NHSL1: variants seen among roughly 807,000 people sequenced by gnomAD.
The protein encoded by NHSL1 is NHS-like protein 1.
A neutral mutation model predicts 95.0 loss-of-function variants in NHSL1; 48 were observed. The observed-to-expected ratio is 0.51, with a 90% CI of 0.40 to 0.64. NHSL1 has a LOEUF of 0.64. NHSL1 is among the 30% of genes least tolerant of loss of function. The pLI is 0.00. For missense variants in NHSL1, 1,971 were observed against 2,077.7 expected, an observed-to-expected ratio of 0.95 and a Z score of 1.00; for synonymous variants, 783 against 833.9, an observed-to-expected ratio of 0.94 and a Z score of 1.05.
chr6:138,432,671 T>C lies in NHSL1; in HGVS notation c.1674A>G (p.Ser558=). Residue 558 remains serine (S), a synonymous_variant, in exon 6 of 8, where the codon TCA becomes TCG. Coordinates refer to ENST00000343505, the MANE Select transcript of NHSL1 (RefSeq NM_001144060.2). The surrounding 1 kb of genome is among the most constrained non-coding windows in gnomAD (Gnocchi z 4.4). ...TCAGGGGGGATGCCCTTCCATTACC[T>C]GAGGATTTGTATTCCCAGGGCTCCG... is the stretch of plus-strand genomic sequence containing the variant. The part of the protein sequence containing the change: ...SSSEPWEYKS[S]GNGRASPLKP... 1.3e-6 allele frequency: 2 copies of C among 1,551,746 alleles called. No homozygotes were observed. The highest frequency in any genetic ancestry group is 2.4e-5 in the South Asian group (2 of 84,058).
At chr6:138,655,069 C>G (rs1785139985) in intron 1 of NHSL1, among the ~76,000 whole-genome samples, 1 of 152,118 alleles carries the variant, frequency 6.6e-6, no homozygotes, top group African/African-American at 2.4e-5. Context: ...CTGAAAGTGG[C>G]TATTTGAAGC....
intron 7 of NHSL1, among the ~76,000 whole-genome samples, chr6:138,428,748 C>T (rs1350326840): frequency 1.3e-5 from 2 of 152,060 alleles, no homozygotes; most frequent in Non-Finnish European, 2.9e-5. Context: ...ATCATTCACA[C>T]ACAGAATCAA....
chr6:138,511,720 G>A (rs1198829719), intron 1 of NHSL1, among the ~76,000 whole-genome samples: 1 of 152,156 alleles, frequency 6.6e-6, no homozygotes, highest in Non-Finnish European at 1.5e-5. Context: ...CAGATCACTT[G>A]AGCCCAGTAG....
rs553008130 is a variant in NHSL1, at chr6:138,558,671, G to A, written c.202+13039C>T. Among the ~76,000 whole-genome samples, 291 of 151,136 alleles carry A rather than the reference G, an allele frequency of 1.9e-3. 2 individuals carry two copies. The highest frequency in any genetic ancestry group is 7.0e-3 in the Middle Eastern group (2 of 286). On this transcript the variant is annotated intron_variant, in intron 1 of 6. Transcript: ENST00000427025. ...CCTGACCTCGTGATCCACCTGCCTC[G>A]GCTTCCCAAAGTGCTGGGATTACAG...
intron 1 of NHSL1, among the ~76,000 whole-genome samples, chr6:138,523,132 C>G (rs915528538): frequency 2.0e-4 from 30 of 151,030 alleles, no homozygotes; most frequent in African/African-American, 7.1e-4. Context: ...CTCATCTGGG[C>G]AGAATATACC....
Position 138,601,357 on chromosome 6 carries a change from G to C in NHSL1, c.96+91119C>G, listed in dbSNP as rs533512271. On this transcript the variant is annotated intron_variant, in intron 1 of 3. Coordinates refer to the NHSL1 transcript ENST00000491526. ...AAATGTAAAACACTGCTGGCAATCT[G>C]TTAGAAAACCCTTTAACCTTTTGTT... 2.0e-5 allele frequency among the ~76,000 whole-genome samples: 3 copies of C among 152,336 alleles called. No homozygotes were observed. In the South Asian group the frequency reaches 6.2e-4, roughly 32 times the overall value.
chr6:138,674,320 T>G (rs963308750), intron 1 of NHSL1, among the ~76,000 whole-genome samples: 5 of 151,528 alleles, frequency 3.3e-5, no homozygotes, highest in South Asian at 2.1e-4. Flanking sequence ...TTATTGTGTG[T>G]TTTTTTTTAA....
intron 1 of NHSL1, among the ~76,000 whole-genome samples, chr6:138,518,667 G>A (rs947213129): frequency 2.0e-5 from 3 of 152,036 alleles, no homozygotes; most frequent in Admixed American, 6.6e-5. Flanking sequence ...ACGTTCTAAT[G>A]GGGAAGACAG....
At chr6:138,598,735 G>A (rs554172684) in intron 1 of NHSL1, among the ~76,000 whole-genome samples, 1 of 151,774 alleles carries the variant, frequency 6.6e-6, no homozygotes, top group Admixed American at 6.6e-5. Context: ...TGGATTTGCT[G>A]ACCAGACTAA....
At chr6:138,551,526 C>T (rs962719997) in intron 1 of NHSL1, among the ~76,000 whole-genome samples, 7 of 152,168 alleles carry the variant, frequency 4.6e-5, no homozygotes, top group African/African-American at 1.7e-4. Context: ...ATGACTAACA[C>T]ATTTTACCCA....
intron 1 of NHSL1, among the ~76,000 whole-genome samples, chr6:138,532,796 T>TA (rs1192746973): frequency 6.6e-6 from 1 of 152,184 alleles, no homozygotes; most frequent in Non-Finnish European, 1.5e-5. Context: ...TACTCACGGC[T>TA]AATAGCATCA....
chr6:138,489,906 G>A (rs1323782400), intron 2 of NHSL1, among the ~76,000 whole-genome samples: 2 of 75,692 alleles, frequency 2.6e-5, no homozygotes, highest in African/African-American at 5.6e-5. Flanking sequence ...GGGAGAGAGC[G>A]AGAGGGGGAG....
chr6:138,544,429 T>C (rs529539157), intron 1 of NHSL1, among the ~76,000 whole-genome samples: 1 of 152,198 alleles, frequency 6.6e-6, no homozygotes, highest in African/African-American at 2.4e-5. Context: ...TGTTCCTTTT[T>C]GTTCTTACCC....
chr6:138,567,946 T>C (rs1015122881), intron 1 of NHSL1, among the ~76,000 whole-genome samples: 1 of 152,152 alleles, frequency 6.6e-6, no homozygotes, highest in Non-Finnish European at 1.5e-5. Context: ...AATGGAGAGC[T>C]GGGGATACAA....
At chr6:138,637,632 C>A (rs1784904393) in intron 1 of NHSL1, among the ~76,000 whole-genome samples, 1 of 152,114 alleles carries the variant, frequency 6.6e-6, no homozygotes, top group Admixed American at 6.6e-5. Context: ...AAAAGGTGCT[C>A]AACATCACTG....
chr6:138,640,415 T>G (rs894006440), intron 1 of NHSL1, among the ~76,000 whole-genome samples: 2 of 152,188 alleles, frequency 1.3e-5, no homozygotes, highest in African/African-American at 2.4e-5. Flanking sequence ...AACACAAGTT[T>G]GAAGTACATG....
chr6:138,680,275 C>T (rs1361335598), intron 1 of NHSL1, among the ~76,000 whole-genome samples: 2 of 152,180 alleles, frequency 1.3e-5, no homozygotes, highest in South Asian at 2.1e-4. Context: ...CCACTGACCA[C>T]GGCTGCTCTA....
At chr6:138,447,307 T>A (rs1395768565) in intron 3 of NHSL1, 114 bp from the exon 4 acceptor site, 2 of 822,092 alleles carry the variant, frequency 2.4e-6, no homozygotes, top group Admixed American at 5.7e-5. Context: ...GCCAAAATAA[T>A]TGATCGCTTT....
intron 1 of NHSL1, among the ~76,000 whole-genome samples, chr6:138,567,395 T>C (rs1056802831): frequency 5.3e-5 from 8 of 152,140 alleles, no homozygotes; most frequent in Non-Finnish European, 8.8e-5. Context: ...TCCGAAAATG[T>C]TGGGATAACA....
Sources: gnomAD v4.1 joint callset for allele counts (sites outside exome capture counted in the v4.1 genomes callset) on GRCh38, gnomAD v4.1.1 for gene constraint, Gnocchi (gnomAD v3.1) non-coding constraint, MANE v1.5 for transcripts, NCBI Gene and HGNC (gene_info 2026-07-23, HGNC 2026-07-21) for gene names.